EPG5: variants seen among roughly 807,000 people sequenced by gnomAD.
EPG5 encodes the protein ectopic P-granules 5 autophagy tethering factor.
EPG5 carries 159 observed loss-of-function variants against 302.7 expected under a neutral mutation model. The observed-to-expected ratio is 0.53, with a 90% CI of 0.46 to 0.60. EPG5 has a LOEUF of 0.60. Among genes scored for constraint, EPG5 ranks in the 20% least tolerant of loss-of-function variants. The pLI is 0.00. For synonymous variants in EPG5, 1,158 were observed against 1,136.8 expected (o/e 1.02, Z -0.37); for missense variants, 2,896 against 3,092.4 (o/e 0.94, Z 1.51).
chr18:45,883,016 A>C (rs2049133297), intron 30 of EPG5, among the ~76,000 whole-genome samples: 1 of 151,274 alleles, frequency 6.6e-6, no homozygotes, highest in Non-Finnish European at 1.5e-5. Flanking sequence ...TCACAACAAA[A>C]AAAAAAAAAA....
intron 24 of EPG5, among the ~76,000 whole-genome samples, chr18:45,905,485 G>C (rs911639592): frequency 2.0e-5 from 3 of 152,182 alleles, no homozygotes; most frequent in African/African-American, 7.2e-5. Context: ...ACATGCAGCT[G>C]AGTGTTCAAT....
At chr18:45,924,856 G>T (rs932524774) in intron 14 of EPG5, among the ~76,000 whole-genome samples, 20 of 152,104 alleles carry the variant, frequency 1.3e-4, no homozygotes, top group Non-Finnish European at 2.6e-4. Flanking sequence ...GCCAGCCTGG[G>T]CAGCATATTG....
intron 1 of EPG5, among the ~76,000 whole-genome samples, chr18:45,961,236 TCAC>T (rs911869970): frequency 2.6e-5 from 4 of 152,182 alleles, no homozygotes; most frequent in African/African-American, 9.7e-5. Context: ...CAAAAAGCAG[TCAC>T]AGTGATTCTT....
chr18:45,812,342 C>A, the EPG5 span, among the ~76,000 whole-genome samples: 2 of 152,130 alleles, frequency 1.3e-5, no homozygotes, highest in African/African-American at 2.4e-5. Flanking sequence ...GCCACACTGT[C>A]CAAGGTAATT....
intron 10 of EPG5, among the ~76,000 whole-genome samples, chr18:45,936,132 T>C (rs2050516995): frequency 6.6e-6 from 1 of 152,130 alleles, no homozygotes; most frequent in African/African-American, 2.4e-5. Context: ...ACCTTTATAG[T>C]CACCCTTGGT....
At chr18:45,812,709 T>C in the EPG5 span, among the ~76,000 whole-genome samples, 1 of 152,240 alleles carries the variant, frequency 6.6e-6, no homozygotes, top group African/African-American at 2.4e-5. Flanking sequence ...GAAAACCGGC[T>C]AGCCATATGT....
Position 45,942,110 on chromosome 18 carries a change from AG to A in EPG5, c.1943+1050del, listed in dbSNP as rs2050678617. 2.0e-5 allele frequency among the ~76,000 whole-genome samples: 3 copies of A among 152,134 alleles called. No homozygotes were observed. In the South Asian group the frequency reaches 6.2e-4, roughly 32 times the overall value. ...CGTGGTGGCACACACCAATAGTCCC[AG>A]CTATTCGGGAGGCTGAGGTGGGAGA... is the stretch of plus-strand genomic sequence containing the variant. On this transcript the variant is annotated intron_variant, in intron 9 of 43. Transcript: ENST00000282041.
At chr18:45,938,455 C>T (rs1210685101) in intron 10 of EPG5, among the ~76,000 whole-genome samples, 3 of 144,002 alleles carry the variant, frequency 2.1e-5, no homozygotes. Context: ...AAGTGAGACT[C>T]CATCTCAAAA....
chr18:45,822,406 G>A, the EPG5 span, among the ~76,000 whole-genome samples: 1 of 152,120 alleles, frequency 6.6e-6, no homozygotes, highest in South Asian at 2.1e-4. Flanking sequence ...AGGGAAAGGA[G>A]AGGATAGGGA....
chr18:45,914,315 C>A (rs941880034), intron 20 of EPG5, among the ~76,000 whole-genome samples: 22 of 152,158 alleles, frequency 1.4e-4, no homozygotes, highest in African/African-American at 5.3e-4. Context: ...TAGGCAGAGA[C>A]AAAAAGAGGA....
At chr18:45,880,051 C>A in intron 32 of EPG5, 24 bp downstream of exon 32, 2 of 1,524,864 alleles carry the variant, frequency 1.3e-6, no homozygotes, top group Non-Finnish European at 8.8e-7. Context: ...TGCACAAACA[C>A]GTCAGAGACC....
At chr18:45,958,776 C>A (rs2051085407) in intron 1 of EPG5, among the ~76,000 whole-genome samples, 1 of 152,154 alleles carries the variant, frequency 6.6e-6, no homozygotes, top group African/African-American at 2.4e-5. Flanking sequence ...ACCAAAAGCA[C>A]AAGCAACAAA....
chr18:45,938,067 T>C (rs2050577183), intron 10 of EPG5, among the ~76,000 whole-genome samples: 2 of 152,170 alleles, frequency 1.3e-5, no homozygotes, highest in African/African-American at 2.4e-5. Flanking sequence ...CCAGCGTCAG[T>C]GGACAGGTGC....
chr18:45,898,587 T>C (rs963849818), intron 27 of EPG5, among the ~76,000 whole-genome samples: 1 of 152,200 alleles, frequency 6.6e-6, no homozygotes, highest in Non-Finnish European at 1.5e-5. Flanking sequence ...CCTCTGCCTG[T>C]CAGCAAGTTC....
At chr18:45,826,432 G>T in the EPG5 span, among the ~76,000 whole-genome samples, 1 of 152,186 alleles carries the variant, frequency 6.6e-6, no homozygotes, top group Non-Finnish European at 1.5e-5. Context: ...CTAAAATGCA[G>T]GTTCTTTGGC....
Position 45,916,093 on chromosome 18 carries a change from G to A in EPG5, c.3498C>T (p.Leu1166=), listed in dbSNP as rs771587084. 6.2e-7 allele frequency: 1 copy of A among 1,614,158 alleles called. No individual in the cohort carries two copies. Among genetic ancestry groups the A allele is most frequent in the Non-Finnish European group, 8.5e-7 (1 of 1,180,018 alleles). Reference sequence around the variant, plus strand: ...CTTTACACAAGTGGTCCATGAGGAAGAGGATAGGTTGTTCTCGGTACCAGA... The same window carrying A: ...CTTTACACAAGTGGTCCATGAGGAAAAGGATAGGTTGTTCTCGGTACCAGA... ...QHLWYREQPI[L]FLMDHLCKAA... Residue 1166 remains leucine, a synonymous_variant, in exon 19 of 44, where the codon CTC becomes CTT. Coordinates refer to ENST00000282041, the MANE Select transcript of EPG5 (RefSeq NM_020964.3).
At position 45,948,519 on chromosome 18, in the gene EPG5, G is replaced by A; in HGVS notation, c.1555C>T (p.Leu519=). 1 of 1,613,464 alleles carries A rather than the reference G, an allele frequency of 6.2e-7. No homozygotes were observed. The highest frequency in any genetic ancestry group is 1.1e-5 in the South Asian group (1 of 91,060). The change falls in exon 6 of 44, where the codon CTG becomes TTG. Residue 519 remains leucine (L), a synonymous_variant. Transcript: ENST00000282041. ...VFHFMQSLAL[L]MSPVKNRAEF... ...CACACTTACTTGACAGGAGACATCAGCAGGGCAAGGGATTGCATAAAATGA... is the reference window on the plus strand; with the variant it reads ...CACACTTACTTGACAGGAGACATCAACAGGGCAAGGGATTGCATAAAATGA...
At chr18:45,906,255 T>G (rs1174112652) in intron 24 of EPG5, among the ~76,000 whole-genome samples, 6 of 152,226 alleles carry the variant, frequency 3.9e-5, no homozygotes. Context: ...TATTTTTAAT[T>G]CATCCATTTG....
chr18:45,821,538 A>G, the EPG5 span, among the ~76,000 whole-genome samples: 1 of 152,224 alleles, frequency 6.6e-6, no homozygotes, highest in Non-Finnish European at 1.5e-5. Flanking sequence ...TTCAAGACAT[A>G]CATCTGGGGA....
Sources: gnomAD v4.1 joint callset for allele counts (sites outside exome capture counted in the v4.1 genomes callset) on GRCh38, gnomAD v4.1.1 for gene constraint, MANE v1.5 for transcripts, NCBI Gene and HGNC (gene_info 2026-07-23, HGNC 2026-07-21) for gene names.